The following KIF15 variants were observed in gnomAD, a reference collection of about 807,000 sequenced individuals.
KIF15 encodes the protein kinesin-like protein KIF15.
KIF15 carries 140 observed loss-of-function variants against 190.6 expected under a neutral mutation model. The ratio of observed to expected loss-of-function variants is 0.73; its 90% CI spans 0.64 to 0.84. The LOEUF (loss-of-function observed/expected upper bound fraction) is 0.84, where lower values mean the gene tolerates loss of function less well. KIF15 is among the 40% of genes least tolerant of loss of function. The probability of loss-of-function intolerance (pLI) is 0.00; values close to 1 mark genes in which losing one functional copy is unlikely to be tolerated. For synonymous variants in KIF15, 528 were observed against 551.3 expected, an observed-to-expected ratio of 0.96 and a Z score of 0.59; for missense variants, 1,372 against 1,584.4, an observed-to-expected ratio of 0.87 and a Z score of 2.28.
At chr3:44,800,518 C>T (rs1707217188) in intron 11 of KIF15, 81 bp downstream of exon 11, 8 of 1,498,612 alleles carry the variant, frequency 5.3e-6, no homozygotes, top group Non-Finnish European at 6.3e-6. Flanking sequence ...AGACACAACA[C>T]AATAAGGCAA....
chr3:44,831,157 T>C, intron 26 of KIF15, 139 bp downstream of exon 26: 1 of 960,212 alleles, frequency 1.0e-6, no homozygotes, highest in Non-Finnish European at 1.5e-6. Flanking sequence ...CTCAAGACGC[T>C]TCACTACACA....
In KIF15 at chr3:44,786,404, GGAAA is replaced by G. The variant is rs769846594; in HGVS notation, c.472_475del (p.Lys158ValfsTer29). 1.2e-6 allele frequency: 2 copies of G among 1,608,396 alleles called. No individual in the cohort carries two copies. The highest frequency in any genetic ancestry group is 2.2e-5 in the East Asian group (1 of 44,756). ...GGCTTCTTTTTTACAGGCTGGAGCT[GGAAA>G]GAGTTTCCTTTGTAAGTGTTCCTTT... is the stretch of plus-strand genomic sequence containing the variant. On this transcript the variant is annotated frameshift_variant, in exon 7 of 35. Coordinates refer to ENST00000326047, the MANE Select transcript of KIF15 (RefSeq NM_020242.3). LOFTEE classifies it high-confidence loss of function.
intron 16 of KIF15, among the ~76,000 whole-genome samples, chr3:44,806,377 A>G (rs1265694630): frequency 6.6e-6 from 1 of 152,208 alleles, no homozygotes; most frequent in Non-Finnish European, 1.5e-5. Flanking sequence ...TATTACTACA[A>G]TATAACATGT....
intron 30 of KIF15, among the ~76,000 whole-genome samples, chr3:44,845,437 TG>T (rs1260975305): frequency 2.0e-5 from 3 of 152,050 alleles, no homozygotes; most frequent in Non-Finnish European, 4.4e-5. Flanking sequence ...ACAACGATTT[TG>T]GTAATTACAA....
At chr3:44,772,714 T>G (rs2125899972) in intron 1 of KIF15, among the ~76,000 whole-genome samples, 1 of 152,198 alleles carries the variant, frequency 6.6e-6, no homozygotes, top group Non-Finnish European at 1.5e-5. Flanking sequence ...TTCAAGGTGG[T>G]TCATGGAGGG....
intron 7 of KIF15, among the ~76,000 whole-genome samples, chr3:44,789,946 GAAT>G (rs1706603998): frequency 6.6e-6 from 1 of 151,812 alleles, no homozygotes. Flanking sequence ...ATTTTAAAAA[GAAT>G]AATAACAACT....
intron 20 of KIF15, among the ~76,000 whole-genome samples, chr3:44,817,553 A>C (rs553461092): frequency 4.6e-5 from 7 of 151,968 alleles, no homozygotes; most frequent in Non-Finnish European, 1.0e-4. Context: ...ATGGTTGTAG[A>C]TGTGTGGTAT....
chr3:44,784,584 TG>T (rs1706321046), intron 5 of KIF15, among the ~76,000 whole-genome samples: 1 of 152,208 alleles, frequency 6.6e-6, no homozygotes, highest in African/African-American at 2.4e-5. Flanking sequence ...TCACACAGTA[TG>T]GGGCCAAGGC....
At chr3:44,805,279 A>C in intron 15 of KIF15, 111 bp downstream of exon 15, 14 of 1,015,200 alleles carry the variant, frequency 1.4e-5, no homozygotes, top group Non-Finnish European at 2.0e-5. Context: ...TTAAACTCTC[A>C]TAGCAGCAAC....
At chr3:44,865,104 T>C in intron 6 of KIF15, 4 of 1,614,126 alleles carry the variant, frequency 2.5e-6, no homozygotes, top group Non-Finnish European at 3.4e-6. Flanking sequence ...GGAGTGTTCC[T>C]TATTCTCTGC....
At chr3:44,788,885 C>T (rs139945798) in intron 7 of KIF15, among the ~76,000 whole-genome samples, 322 of 152,250 alleles carry the variant, frequency 2.1e-3, no homozygotes, top group Non-Finnish European at 3.8e-3. Context: ...AACTACAAAA[C>T]AATATTTTAA....
intron 6 of KIF15, 107 bp downstream of exon 6, chr3:44,785,049 A>C: frequency 1.6e-6 from 1 of 608,094 alleles, no homozygotes; most frequent in Non-Finnish European, 2.9e-6. Flanking sequence ...GGTACTCTAC[A>C]ATATGAATAG....
chr3:44,829,530 A>ATTAT (rs1402767626), intron 24 of KIF15, among the ~76,000 whole-genome samples: 3 of 100,344 alleles, frequency 3.0e-5, no homozygotes, highest in African/African-American at 1.4e-4. Flanking sequence ...ATATGTATAT[A>ATTAT]ATATGTATAT....
intron 23 of KIF15, 82 bp downstream of exon 23, chr3:44,827,610 T>G: frequency 1.3e-6 from 1 of 765,904 alleles, no homozygotes; most frequent in Non-Finnish European, 2.1e-6. Flanking sequence ...TTATAATGAT[T>G]TCAGCTTGCA....
At chr3:44,854,874 C>T (rs1336262833), downstream of KIF15, among the ~76,000 whole-genome samples, 1 of 152,158 alleles carries the variant, frequency 6.6e-6, no homozygotes, top group Non-Finnish European at 1.5e-5. Context: ...TGGATTAGAG[C>T]CTACCCTAAG....
At chr3:44,848,220 C>A (rs1698935628) in intron 31 of KIF15, among the ~76,000 whole-genome samples, 163 bp downstream of exon 31, 1 of 152,220 alleles carries the variant, frequency 6.6e-6, no homozygotes, top group Non-Finnish European at 1.5e-5. Flanking sequence ...TTAGACACAG[C>A]TGAGAATTAA....
chr3:44,775,975 G>A (rs937787951), intron 3 of KIF15, among the ~76,000 whole-genome samples: 1 of 151,582 alleles, frequency 6.6e-6, no homozygotes, highest in Non-Finnish European at 1.5e-5. Flanking sequence ...AGCTACTCGG[G>A]AGGCTGAGGC....
At chr3:44,766,516 G>A (rs1362061354) in intron 1 of KIF15, among the ~76,000 whole-genome samples, 2 of 152,172 alleles carry the variant, frequency 1.3e-5, no homozygotes, top group African/African-American at 4.8e-5. Flanking sequence ...CTTTATCTGA[G>A]CATCAGGTAG....
chr3:44,864,941 C>G, intron 6 of KIF15: 1 of 1,517,126 alleles, frequency 6.6e-7, no homozygotes, highest in Non-Finnish European at 9.0e-7. Flanking sequence ...GGCTCCAGAC[C>G]TTTCCTCCTG....
Sources: gnomAD v4.1 joint callset for allele counts (sites outside exome capture counted in the v4.1 genomes callset) on GRCh38, gnomAD v4.1.1 for gene constraint, MANE v1.5 for transcripts, NCBI Gene and HGNC (gene_info 2026-07-23, HGNC 2026-07-21) for gene names.